Variants in MOV10 observed in about 807,000 individuals in gnomAD.
MOV10 encodes RNA helicase MOV-10.
MOV10 carries 39 observed loss-of-function variants against 108.4 expected under a neutral mutation model. That is an observed-to-expected ratio of 0.36 (90% CI 0.28 to 0.47). The LOEUF (loss-of-function observed/expected upper bound fraction) is 0.47. Among genes scored for constraint, MOV10 ranks in the 20% least tolerant of loss-of-function variants. MOV10 has a pLI of 1.00. For missense variants in MOV10, 952 were observed against 1,297.6 expected (o/e 0.73, Z 4.09); for synonymous variants, 490 against 523.1 (o/e 0.94, Z 0.86).
In MOV10 at chr1:112,674,736, AAAG is replaced by A. The variant is rs1417921358; in HGVS notation, c.-66+10_-66+12del. 8 of 565,606 alleles carry A rather than the reference AAAG, an allele frequency of 1.4e-5. No homozygotes were observed. Among genetic ancestry groups the A allele is most frequent in the Non-Finnish European group, 2.4e-5 (8 of 333,346 alleles). 35.0% of individuals were successfully genotyped at this position (565,606 alleles called of 1,614,324 possible). On this transcript the variant is annotated splice_region_variant and intron_variant, in intron 1 of 20. Transcript: ENST00000369645. Reference sequence around the variant, plus strand: ...AACCGAAGGGAAAGCTCAGGTAAGAAAAGAACGGAGGAGGGAAGCCTGGTGGGG... The same window carrying A: ...AACCGAAGGGAAAGCTCAGGTAAGAAAACGGAGGAGGGAAGCCTGGTGGGG...
intron 6 of MOV10, 27 bp from the exon 7 acceptor site, chr1:112,692,734 C>T: frequency 6.2e-7 from 1 of 1,612,188 alleles, no homozygotes; most frequent in Non-Finnish European, 8.5e-7. Flanking sequence ...CCTGCCCCCA[C>T]TCACCCCTCC....
At chr1:112,689,716 G>A in intron 4 of MOV10, 66 bp downstream of exon 4, 2 of 1,590,278 alleles carry the variant, frequency 1.3e-6, no homozygotes, top group Non-Finnish European at 1.7e-6. Context: ...CTTATGCTTT[G>A]GGAAACACAC....
intron 15 of MOV10, 30 bp downstream of exon 15, chr1:112,698,141 T>C (rs528850173): frequency 1.2e-6 from 2 of 1,607,356 alleles, no homozygotes; most frequent in African/African-American, 2.7e-5. Flanking sequence ...GCCCCACCCC[T>C]GTACCCTGAC....
chr1:112,680,510 G>T (rs1377450022), intron 2 of MOV10, among the ~76,000 whole-genome samples: 1 of 151,276 alleles, frequency 6.6e-6, no homozygotes, highest in African/African-American at 2.4e-5. Context: ...CAAAAAATTA[G>T]CTGGGCGTGG....
chr1:112,695,362 G>A (rs1209824508), intron 10 of MOV10, 54 bp from the exon 11 acceptor site: 2 of 1,583,752 alleles, frequency 1.3e-6, no homozygotes, highest in Non-Finnish European at 1.7e-6. Flanking sequence ...CCCAGCCTGG[G>A]TACGGCTGAG....
In MOV10 at chr1:112,674,890, C is replaced by T. The variant is rs977848697; in HGVS notation, c.-23C>T. 1 of 1,552,128 alleles carries T rather than the reference C, an allele frequency of 6.4e-7. No homozygotes were observed. The highest frequency in any genetic ancestry group is 8.7e-7 in the Non-Finnish European group (1 of 1,153,570). On this transcript the variant is annotated 5_prime_UTR_variant, in exon 2 of 21. Transcript: ENST00000369645. Reference sequence around the variant, plus strand: ...AGTTTCATTTCCACGGACCCTCCTGCCTGGGCCGCAGCCGCCGCCGCGATG... The same window carrying T: ...AGTTTCATTTCCACGGACCCTCCTGTCTGGGCCGCAGCCGCCGCCGCGATG...
Position 112,694,793 on chromosome 1 carries a change from C to T in MOV10, c.1517C>T (p.Ala506Val). 2 of 1,614,156 alleles carry T rather than the reference C, an allele frequency of 1.2e-6. No individual in the cohort carries two copies. Among genetic ancestry groups the T allele is most frequent in the Non-Finnish European group, 8.5e-7 (1 of 1,180,030 alleles). ...SLESNPEQLQ[A>V]MRHIVTGTTR... ...GAGTCAAACCCAGAGCAGCTGCAGGCCATGAGGCACATTGTTACGGGCACC... is the reference window on the plus strand; with the variant it reads ...GAGTCAAACCCAGAGCAGCTGCAGGTCATGAGGCACATTGTTACGGGCACC... Residue 506 changes from alanine (A) to valine (V), a missense_variant, in exon 10 of 21, where the codon GCC (alanine) becomes GTC (valine). By Grantham distance (64) the Ala-to-Val change is moderately conservative. Transcript: ENST00000369645. This position sits in a 1 kb window ranked among gnomAD's most constrained non-coding sequence, Gnocchi z 4.1.
chr1:112,697,427 G>A (rs570537159), intron 14 of MOV10, among the ~76,000 whole-genome samples: 63 of 152,110 alleles, frequency 4.1e-4, no homozygotes, highest in Admixed American at 8.5e-4. Context: ...CTGAGATCGC[G>A]CTACTGCAGT....
rs1673972312 is a variant in MOV10 at position 112,695,345 on chromosome 1, G to A, written c.1621-71G>A. The A allele has an allele frequency of 3.3e-6, 5 of 1,517,068 alleles. No individual in the cohort carries two copies. In the South Asian group the frequency reaches 6.1e-5, roughly 18 times the overall value. The allele number at this position is 1,517,068 out of a possible 1,614,324, so 94.0% of individuals were successfully genotyped here. ...TTCACATTTCAGTCATCATAGACTTGCCCTGCCCCAGCCTGGGTACGGCTG... is the reference window on the plus strand; with the variant it reads ...TTCACATTTCAGTCATCATAGACTTACCCTGCCCCAGCCTGGGTACGGCTG... On this transcript the variant is annotated intron_variant, in intron 10 of 20. Coordinates refer to ENST00000369645, the MANE Select transcript of MOV10 (RefSeq NM_001321324.2).
rs201342108 is a variant in MOV10, at chr1:112,694,202, G to T, written c.1295+30G>T. 2.2e-3 allele frequency: 3,527 copies of T among 1,613,568 alleles called. 24 individuals are homozygous for T. Among genetic ancestry groups the T allele is most frequent in the South Asian group, 0.013 (1,178 of 91,038 alleles). ...GTGTTGGGGGAACCCTGAGCTGCTG[G>T]AAGGGTCTACAGACTTCTGACCCCA... On this transcript the variant is annotated intron_variant, in intron 8 of 20. Transcript: ENST00000369645. This position sits in a 1 kb window ranked among gnomAD's most constrained non-coding sequence, Gnocchi z 4.1.
Position 112,694,670 on chromosome 1 carries a change from G to C in MOV10, c.1472+41G>C. The C allele has an allele frequency of 6.3e-7, 1 of 1,592,174 alleles. No homozygotes were observed. Among genetic ancestry groups the C allele is most frequent in the Non-Finnish European group, 8.6e-7 (1 of 1,167,160 alleles). On this transcript the variant is annotated intron_variant, in intron 9 of 20. Coordinates refer to ENST00000369645, the MANE Select transcript of MOV10 (RefSeq NM_001321324.2). This position sits in a 1 kb window ranked among gnomAD's most constrained non-coding sequence, Gnocchi z 4.1. ...GGGAGCTTCTGGAGCCACTTGGAGT[G>C]TGGGCACAGGGGGTGGAGTCAGGGA...
chr1:112,674,910 G>T lies in MOV10; in HGVS notation c.-3G>T. Reference sequence around the variant, plus strand: ...TCCTGCCTGGGCCGCAGCCGCCGCCGCGATGCCCAGTAAGTTCAGCTGCCG... The same window carrying T: ...TCCTGCCTGGGCCGCAGCCGCCGCCTCGATGCCCAGTAAGTTCAGCTGCCG... On this transcript the variant is annotated 5_prime_UTR_variant, in exon 2 of 21. Transcript: ENST00000369645. 3 of 1,563,492 alleles carry T rather than the reference G, an allele frequency of 1.9e-6. No individual in the cohort carries two copies. Among genetic ancestry groups the T allele is most frequent in the Non-Finnish European group, 2.6e-6 (3 of 1,158,706 alleles).
chr1:112,690,183 A>G lies in MOV10; in HGVS notation c.836+85A>G. 5 of 1,506,560 alleles carry G rather than the reference A, an allele frequency of 3.3e-6. No individual in the cohort carries two copies. The South Asian group carries it at 6.5e-5, about 20-fold the overall frequency. The allele number at this position is 1,506,560 out of a possible 1,614,324, so 93.3% of individuals were successfully genotyped here. A position where few individuals can be genotyped will look rare whatever the true frequency, so the allele number is the denominator to read the frequency against. On this transcript the variant is annotated intron_variant, in intron 5 of 20. Transcript: ENST00000369645. ...GCTTTGGGAAGAGCACAGAGCTGGG[A>G]GCCAGAGCCCTTTTCCTACAGGCTC...
rs1252854870 is a variant in MOV10, at chr1:112,689,834, C to T, written c.578-6C>T. 4 of 1,613,088 alleles carry T rather than the reference C, an allele frequency of 2.5e-6. No individual in the cohort carries two copies. Among genetic ancestry groups the T allele is most frequent in the Admixed American group, 3.3e-5 (2 of 59,990 alleles). On this transcript the variant is annotated splice_polypyrimidine_tract_variant and splice_region_variant and intron_variant, in intron 4 of 20. Coordinates refer to ENST00000369645, the MANE Select transcript of MOV10 (RefSeq NM_001321324.2). The stretch of plus-strand genomic sequence containing the variant: ...TACCCCCATTCACTCATCCATTCTC[C>T]TCCAGGTGAATGCTATGAACTCCAT...
Position 112,696,480 on chromosome 1 carries a change from T to C in MOV10, c.1927T>C (p.Phe643Leu). The C allele has an allele frequency of 7.4e-6, 12 of 1,614,112 alleles. No individual in the cohort carries two copies. The highest frequency in any genetic ancestry group is 1.0e-5 in the Non-Finnish European group (12 of 1,180,010). ...TCCCATTGATCACTTCACACACATC[T>C]TCATCGATGAGGCTGGCCACTGCAT... The part of the protein sequence containing the change: ...QFPIDHFTHI[F>L]IDEAGHCMEP... Residue 643 changes from phenylalanine (F) to leucine (L), a missense_variant, in exon 13 of 21, where the codon TTC becomes CTC. By Grantham distance (22) the Phe-to-Leu change is conservative. This residue lies in a region of MOV10 where 453 missense variants were observed against 611.5 expected (regional missense o/e 0.74). Coordinates refer to ENST00000369645, the MANE Select transcript of MOV10 (RefSeq NM_001321324.2).
At chr1:112,699,868 A>G (rs775443806) in intron 18 of MOV10, 26 bp from the exon 19 acceptor site, 1 of 1,613,952 alleles carries the variant, frequency 6.2e-7, no homozygotes, top group African/African-American at 1.3e-5. Flanking sequence ...CTTCCCTCCC[A>G]TGACCACACC....
At chr1:112,692,666 C>A in intron 6 of MOV10, 95 bp from the exon 7 acceptor site, 1 of 1,491,040 alleles carries the variant, frequency 6.7e-7, no homozygotes, top group Non-Finnish European at 9.0e-7. Context: ...AGTTCCAGAG[C>A]TTCAGGTGGG....
intron 2 of MOV10, among the ~76,000 whole-genome samples, chr1:112,677,892 C>G (rs564606352): frequency 1.3e-5 from 2 of 152,200 alleles, no homozygotes; most frequent in East Asian, 1.9e-4. Flanking sequence ...TGAACTCTTG[C>G]CTTTTCCCAC....
intron 11 of MOV10, 121 bp downstream of exon 11, chr1:112,695,695 G>C: frequency 9.2e-7 from 1 of 1,091,010 alleles, no homozygotes; most frequent in Non-Finnish European, 1.3e-6. Context: ...CCTTGGGTTG[G>C]ACAGGACCCC....
Sources: allele counts gnomAD v4.1 joint callset (sites outside exome capture counted in the v4.1 genomes callset), GRCh38; gene constraint gnomAD v4.1.1; regional missense constraint gnomAD v4.1.1; non-coding constraint Gnocchi (gnomAD v3.1); transcripts MANE v1.5; gene names NCBI Gene and HGNC (gene_info 2026-07-23, HGNC 2026-07-21).